Variants in DCDC1 observed in about 807,000 individuals in gnomAD.
The protein encoded by DCDC1 is doublecortin domain-containing protein 1.
In DCDC1, 200 loss-of-function variants were observed where a neutral mutation model predicts 178.3. The observed-to-expected ratio is 1.12, with a 90% CI of 1.00 to 1.26. The LOEUF (loss-of-function observed/expected upper bound fraction) is 1.26. DCDC1 is among the 50% of genes most tolerant of loss of function. The pLI is 0.00. For missense variants in DCDC1, 1,983 were observed against 1,749.2 expected (o/e 1.13, Z -2.38); for synonymous variants, 690 against 604.8 (o/e 1.14, Z -2.07).
At chr11:30,982,287 T>A (rs1270222370) in intron 20 of DCDC1, among the ~76,000 whole-genome samples, 3 of 152,222 alleles carry the variant, frequency 2.0e-5, no homozygotes, top group African/African-American at 7.2e-5. Context: ...AACCTTCCAA[T>A]TTAACATTAC....
At chr11:31,027,851 T>A (rs1449758690) in intron 20 of DCDC1, among the ~76,000 whole-genome samples, 1 of 151,888 alleles carries the variant, frequency 6.6e-6, no homozygotes, top group African/African-American at 2.4e-5. Flanking sequence ...GCATGACTTC[T>A]TAAAAGCATT....
At chr11:30,942,956 T>A (rs555610326) in intron 21 of DCDC1, among the ~76,000 whole-genome samples, 2 of 152,298 alleles carry the variant, frequency 1.3e-5, no homozygotes, top group South Asian at 4.1e-4. Flanking sequence ...CATTCTGTCC[T>A]TCATAGACAT....
rs1415046687 is a variant in DCDC1, at chr11:31,070,552, C to A, written c.2299-5399G>T. Reference sequence around the variant, plus strand: ...CACATACTGGTTAACAACCTACAGTCCTATCCTGGTTTTAAATTCCAGCTA... The same window carrying A: ...CACATACTGGTTAACAACCTACAGTACTATCCTGGTTTTAAATTCCAGCTA... On this transcript the variant is annotated intron_variant, in intron 18 of 38. Transcript: ENST00000684477. 1.3e-4 allele frequency among the ~76,000 whole-genome samples: 20 copies of A among 152,296 alleles called. 1 individual carries two copies. Among genetic ancestry groups the A allele is most frequent in the Non-Finnish European group, 1.0e-4 (7 of 68,034 alleles).
In DCDC1 at chr11:30,881,283, A is replaced by G; in HGVS notation, c.5108T>C (p.Leu1703Pro). 6.2e-7 allele frequency: 1 copy of G among 1,613,356 alleles called. No individual in the cohort carries two copies. Among genetic ancestry groups the G allele is most frequent in the Non-Finnish European group, 8.5e-7 (1 of 1,179,528 alleles). ...SELLQDCSSR[L>P]KMTHPARALY... ...TGCTCTAGCTGGGTGGGTCATTTTG[A>G]GACGAGAGGAGCAGTCTTGCAGCAG... Residue 1703 changes from leucine to proline, a missense_variant, in exon 37 of 39, where the codon CTC becomes CCC. Transcript: ENST00000684477.
At chr11:30,875,494 C>CA (rs1435449230) in intron 38 of DCDC1, among the ~76,000 whole-genome samples, 2 of 151,770 alleles carry the variant, frequency 1.3e-5, no homozygotes, top group African/African-American at 4.8e-5. Flanking sequence ...TTTGATCATT[C>CA]GCTTCCAAAT....
intron 1 of DCDC1, among the ~76,000 whole-genome samples, chr11:31,346,614 T>G (rs1361647530): frequency 6.6e-6 from 1 of 152,196 alleles, no homozygotes; most frequent in Non-Finnish European, 1.5e-5. Context: ...CTACTTAATA[T>G]TAAGGAAATG....
chr11:31,016,850 A>C (rs1565186538), intron 20 of DCDC1, among the ~76,000 whole-genome samples: 1 of 152,194 alleles, frequency 6.6e-6, no homozygotes, highest in Non-Finnish European at 1.5e-5. Context: ...AGGTGATTCT[A>C]ATATGCACAA....
intron 29 of DCDC1, among the ~76,000 whole-genome samples, chr11:30,908,487 T>C (rs191194401): frequency 6.6e-6 from 1 of 152,146 alleles, no homozygotes; most frequent in Non-Finnish European, 1.5e-5. Context: ...GAGTATTAGA[T>C]GGCCAAAGAA....
At chr11:31,043,366 C>G (rs1247722771) in intron 20 of DCDC1, among the ~76,000 whole-genome samples, 1 of 152,118 alleles carries the variant, frequency 6.6e-6, no homozygotes, top group African/African-American at 2.4e-5. Context: ...GACAAAGCTG[C>G]TGACATCATG....
chr11:30,954,085 G>A (rs570581689), intron 20 of DCDC1, among the ~76,000 whole-genome samples: 87 of 141,784 alleles, frequency 6.1e-4, no homozygotes, highest in African/African-American at 1.8e-3. Context: ...GATCGATCTC[G>A]GCTCACTGCA....
At chr11:31,127,667 T>C (rs1302910966) in intron 10 of DCDC1, 28 bp from the exon 11 acceptor site, 1 of 697,286 alleles carries the variant, frequency 1.4e-6, no homozygotes, top group Non-Finnish European at 2.6e-6. Flanking sequence ...CAAGAGTTGT[T>C]AGCGAGAAGT....
At chr11:31,268,737 C>T (rs1231533314) in intron 7 of DCDC1, among the ~76,000 whole-genome samples, 1 of 152,120 alleles carries the variant, frequency 6.6e-6, no homozygotes, top group Non-Finnish European at 1.5e-5. Context: ...ATATATATAA[C>T]CAGTAATGGG....
At position 31,119,575 on chromosome 11, in the gene DCDC1, C is replaced by G. The variant is rs557078121; in HGVS notation, c.1485+7894G>C. ...ACCAACCAAAAAAAATCTTGTCACACTTTCATGTGCAACTGACCTTAGTTA... is the reference window on the plus strand; with the variant it reads ...ACCAACCAAAAAAAATCTTGTCACAGTTTCATGTGCAACTGACCTTAGTTA... On this transcript the variant is annotated intron_variant, in intron 11 of 38. Coordinates refer to ENST00000684477, the MANE Select transcript of DCDC1 (RefSeq NM_001387274.1). Among the ~76,000 whole-genome samples the G allele has an allele frequency of 3.2e-4, 49 of 152,284 alleles. 1 individual carries two copies. Among genetic ancestry groups the G allele is most frequent in the African/African-American group, 1.2e-3 (48 of 41,566 alleles).
At chr11:31,193,716 C>T (rs1033665460) in intron 9 of DCDC1, among the ~76,000 whole-genome samples, 3 of 152,038 alleles carry the variant, frequency 2.0e-5, no homozygotes, top group Admixed American at 1.3e-4. Context: ...GACCATCACA[C>T]CAGATGTTGC....
chr11:31,058,966 G>A (rs939439171), intron 20 of DCDC1, among the ~76,000 whole-genome samples: 18 of 152,070 alleles, frequency 1.2e-4, no homozygotes, highest in African/African-American at 4.3e-4. Flanking sequence ...TTTGGGGGCT[G>A]CAAGTTTGAA....
In DCDC1 at chr11:31,111,666, CTT is replaced by C. The variant is rs1175680138; in HGVS notation, c.1486-1307_1486-1306del. ...ATGGAAAATAATGTGGGAAAAGACT[CTT>C]ACTGTCCCCATAATCTCTTCAGGGC... On this transcript the variant is annotated intron_variant, in intron 11 of 38. Coordinates refer to ENST00000684477, the MANE Select transcript of DCDC1 (RefSeq NM_001387274.1). 2.0e-5 allele frequency among the ~76,000 whole-genome samples: 3 copies of C among 152,178 alleles called. No individual in the cohort carries two copies. In the East Asian group the frequency reaches 5.8e-4, roughly 29 times the overall value.
chr11:31,312,359 G>T (rs963149239), intron 3 of DCDC1, among the ~76,000 whole-genome samples: 1 of 152,110 alleles, frequency 6.6e-6, no homozygotes, highest in African/African-American at 2.4e-5. Flanking sequence ...TAAACCAAGG[G>T]CTTACGGTAT....
chr11:30,942,054 C>T (rs1947685581), intron 21 of DCDC1, among the ~76,000 whole-genome samples: 1 of 152,112 alleles, frequency 6.6e-6, no homozygotes, highest in Non-Finnish European at 1.5e-5. Context: ...CTAAACCTCA[C>T]TGAGAAACTT....
chr11:30,933,443 A>G (rs1330323529), intron 21 of DCDC1, among the ~76,000 whole-genome samples: 3 of 151,998 alleles, frequency 2.0e-5, no homozygotes, highest in Non-Finnish European at 2.9e-5. Flanking sequence ...AACTCTCATC[A>G]CTTATGTGTT....
Sources: allele counts gnomAD v4.1 joint callset (sites outside exome capture counted in the v4.1 genomes callset), GRCh38; gene constraint gnomAD v4.1.1; transcripts MANE v1.5; gene names NCBI Gene and HGNC (gene_info 2026-07-23, HGNC 2026-07-21).